The following ERBIN variants were observed in gnomAD, a reference collection of about 807,000 sequenced individuals.
ERBIN encodes the protein densin-180-like protein.
Under a neutral mutation model 158.4 loss-of-function variants are expected in ERBIN, and 60 were observed. The ratio of observed to expected loss-of-function variants is 0.38; its 90% CI spans 0.31 to 0.47. The LOEUF is 0.47. ERBIN is among the 20% of genes least tolerant of loss of function. ERBIN has a pLI of 0.99. For synonymous variants in ERBIN, 594 were observed against 557.2 expected, an observed-to-expected ratio of 1.07 and a Z score of -0.93; for missense variants, 1,610 against 1,648.0, an observed-to-expected ratio of 0.98 and a Z score of 0.40.
At chr5:65,958,394 A>C (rs1316035573) in intron 1 of ERBIN, among the ~76,000 whole-genome samples, 1 of 152,242 alleles carries the variant, frequency 6.6e-6, no homozygotes, top group African/African-American at 2.4e-5. Flanking sequence ...GGAGGCTGGC[A>C]GATCACTCGC....
chr5:66,075,321 A>C, intron 23 of ERBIN, 91 bp downstream of exon 23: 3 of 1,038,094 alleles, frequency 2.9e-6, no homozygotes, highest in Non-Finnish European at 2.9e-6. Context: ...CATACAGAAT[A>C]TTAACGTAGT....
intron 1 of ERBIN, among the ~76,000 whole-genome samples, chr5:65,947,386 C>T (rs141163145): frequency 3.3e-5 from 5 of 152,186 alleles, no homozygotes; most frequent in African/African-American, 7.2e-5. Flanking sequence ...CATGCCACCA[C>T]GCCTGGATAA....
Position 66,072,214 on chromosome 5 carries a change from A to C in ERBIN, c.3679A>C (p.Ile1227Leu). 1 of 1,550,434 alleles carries C rather than the reference A, an allele frequency of 6.4e-7. No individual in the cohort carries two copies. Among genetic ancestry groups the C allele is most frequent in the Non-Finnish European group, 8.7e-7 (1 of 1,146,858 alleles). ...SSSGDPCQDG[I>L]FISGQQNYSS... is the part of the protein sequence containing the mutation. ...TTCAGGAGATCCTTGTCAAGATGGT[A>C]TATTCATTTCAGGACAGCAGAACTA... Residue 1227 changes from isoleucine to leucine, a missense_variant, in exon 22 of 26, where the codon ATA (isoleucine) becomes CTA (leucine). By Grantham distance (5) the Ile-to-Leu change is conservative. This residue lies in a region of ERBIN where 1,014 missense variants were observed against 936.1 expected (regional missense o/e 1.08). Coordinates refer to ENST00000284037, the MANE Select transcript of ERBIN (RefSeq NM_001253697.2).
intron 1 of ERBIN, among the ~76,000 whole-genome samples, chr5:65,978,054 C>T (rs1026179342): frequency 5.3e-5 from 8 of 152,162 alleles, no homozygotes; most frequent in African/African-American, 1.4e-4. Context: ...TAAGCAACAG[C>T]TTTGTGAATA....
At chr5:66,076,244 T>A in intron 23 of ERBIN, 72 bp from the exon 24 acceptor site, 1 of 1,143,132 alleles carries the variant, frequency 8.7e-7, no homozygotes, top group Non-Finnish European at 1.3e-6. Context: ...CAATCAGTAT[T>A]TAAATATGGA....
chr5:66,074,966 A>G, intron 22 of ERBIN, 58 bp from the exon 23 acceptor site: 1 of 1,519,512 alleles, frequency 6.6e-7, no homozygotes, highest in South Asian at 1.1e-5. Flanking sequence ...AAGAAATCCA[A>G]ATATTTGAAA....
chr5:66,000,726 T>G (rs1397485468), intron 4 of ERBIN, among the ~76,000 whole-genome samples: 1 of 152,190 alleles, frequency 6.6e-6, no homozygotes, highest in Non-Finnish European at 1.5e-5. Context: ...TTTTTTTGCA[T>G]TTTACTTGTT....
chr5:66,029,326 C>T (rs940424509), intron 14 of ERBIN, among the ~76,000 whole-genome samples: 1 of 152,036 alleles, frequency 6.6e-6, no homozygotes, highest in Non-Finnish European at 1.5e-5. Context: ...AAAATTAATG[C>T]TTATTATTTG....
At chr5:66,043,433 C>A (rs915597866) in intron 16 of ERBIN, among the ~76,000 whole-genome samples, 4 of 151,932 alleles carry the variant, frequency 2.6e-5, no homozygotes, top group African/African-American at 9.7e-5. Context: ...AAGAGGAAAA[C>A]GTTATTATAG....
chr5:66,056,315 G>A (rs1339734615), intron 21 of ERBIN, among the ~76,000 whole-genome samples: 2 of 152,192 alleles, frequency 1.3e-5, no homozygotes, highest in Non-Finnish European at 2.9e-5. Context: ...AAGGGATAAA[G>A]CTTGAGATTG....
intron 1 of ERBIN, among the ~76,000 whole-genome samples, chr5:65,957,986 C>T (rs573653836): frequency 2.0e-3 from 205 of 103,676 alleles, no homozygotes; most frequent in African/African-American, 7.4e-3. Flanking sequence ...CAGACGGGGT[C>T]GCGGCCGGGC....
At chr5:65,979,909 G>A (rs1750463606) in intron 1 of ERBIN, among the ~76,000 whole-genome samples, 2 of 152,258 alleles carry the variant, frequency 1.3e-5, no homozygotes, top group African/African-American at 4.8e-5. Flanking sequence ...AAAGTTGGAA[G>A]TAAATATACA....
At position 66,002,506 on chromosome 5, in the gene ERBIN, A is replaced by C. The variant is rs1336022469; in HGVS notation, c.307+7642A>C. Among the ~76,000 whole-genome samples the C allele has an allele frequency of 1.3e-5, 2 of 152,346 alleles. 1 individual carries two copies. Among genetic ancestry groups the C allele is most frequent in the East Asian group, 3.9e-4 (2 of 5,186 alleles). On this transcript the variant is annotated intron_variant, in intron 4 of 25. Transcript: ENST00000284037. ...AAACCGTGTAGCTATTAATTCTCTT[A>C]TATGAACATAATGAATAAAATGCCA...
chr5:65,977,267 C>T (rs1324216253), intron 1 of ERBIN, among the ~76,000 whole-genome samples: 3 of 151,052 alleles, frequency 2.0e-5, no homozygotes, highest in African/African-American at 2.4e-5. Context: ...ACCTCCCTCC[C>T]GGATGGGGCG....
At chr5:66,038,785 AT>A (rs1301165460) in intron 15 of ERBIN, among the ~76,000 whole-genome samples, 3 of 152,104 alleles carry the variant, frequency 2.0e-5, no homozygotes, top group African/African-American at 7.2e-5. Flanking sequence ...GATAAGAATT[AT>A]TAAACCAAGA....
intron 1 of ERBIN, among the ~76,000 whole-genome samples, chr5:65,959,231 G>T (rs1279956223): frequency 6.6e-6 from 1 of 151,868 alleles, no homozygotes; most frequent in African/African-American, 2.4e-5. Flanking sequence ...ATGGTAATTT[G>T]ATCACTTAAA....
At chr5:66,072,685 C>T (rs1190237327) in intron 22 of ERBIN, among the ~76,000 whole-genome samples, 1 of 152,116 alleles carries the variant, frequency 6.6e-6, no homozygotes, top group Non-Finnish European at 1.5e-5. Flanking sequence ...GTAATTACTT[C>T]AAATGATAAT....
intron 18 of ERBIN, among the ~76,000 whole-genome samples, chr5:66,048,351 G>A (rs373498895): frequency 6.6e-6 from 1 of 151,882 alleles, no homozygotes. Flanking sequence ...AATTCATAGA[G>A]CTATATATGG....
chr5:66,013,335 C>T (rs1348318287), intron 5 of ERBIN, among the ~76,000 whole-genome samples: 1 of 151,914 alleles, frequency 6.6e-6, no homozygotes, highest in Non-Finnish European at 1.5e-5. Flanking sequence ...ACAAATATTA[C>T]CTCATTTTCT....
Sources: gnomAD v4.1 joint callset for allele counts (sites outside exome capture counted in the v4.1 genomes callset) on GRCh38, gnomAD v4.1.1 for gene constraint, gnomAD v4.1.1 regional missense constraint, MANE v1.5 for transcripts, NCBI Gene and HGNC (gene_info 2026-07-23, HGNC 2026-07-21) for gene names.